The following CLDN12 variants were observed in gnomAD, a reference collection of about 807,000 sequenced individuals.
CLDN12 encodes the protein claudin-12.
CLDN12 carries 9 observed loss-of-function variants against 15.5 expected under a neutral mutation model. That is an observed-to-expected ratio of 0.58 (90% CI 0.35 to 1.02). The LOEUF (loss-of-function observed/expected upper bound fraction) is 1.02, where lower values mean the gene tolerates loss of function less well. CLDN12 is among the 50% of genes least tolerant of loss of function. The pLI is 0.02. For synonymous variants in CLDN12, 140 were observed against 121.6 expected, an observed-to-expected ratio of 1.15 and a Z score of -1.00; for missense variants, 233 against 297.3, an observed-to-expected ratio of 0.78 and a Z score of 1.59.
At chr7:90,405,012 C>T (rs888916074) in intron 1 of CLDN12, among the ~76,000 whole-genome samples, 13 of 151,944 alleles carry the variant, frequency 8.6e-5, no homozygotes, top group African/African-American at 2.7e-4. Flanking sequence ...TCCATGTCAG[C>T]CTCCCAAGAA....
rs762986952 is a variant in CLDN12 at position 90,413,125 on chromosome 7, C to A, written c.449C>A (p.Pro150Gln). 1.2e-6 allele frequency: 2 copies of A among 1,614,212 alleles called. No homozygotes were observed. The highest frequency in any genetic ancestry group is 3.3e-5 in the Admixed American group (2 of 60,026). Reference protein sequence around the residue: ...FFLAGTVSLSPSIWVIFYNIH... With the variant: ...FFLAGTVSLSQSIWVIFYNIH... The stretch of plus-strand genomic sequence containing the variant: ...CTGGCAGGTACTGTGAGCCTCTCCC[C>A]ATCTATCTGGGTCATCTTTTATAAC... Residue 150 changes from proline (P) to glutamine (Q), a missense_variant, in exon 4 of 4, where the codon CCA becomes CAA. Pro to Gln is a moderately conservative substitution (Grantham distance 76). Transcript: ENST00000496677.
intron 1 of CLDN12, among the ~76,000 whole-genome samples, chr7:90,404,145 G>A (rs547607146): frequency 6.6e-6 from 1 of 152,130 alleles, no homozygotes; most frequent in South Asian, 2.1e-4. Flanking sequence ...GTTAGGGAAA[G>A]GTCAGACTTG....
chr7:90,412,894 C>G lies in CLDN12; in HGVS notation c.218C>G (p.Thr73Ser), dbSNP rs1445448312. 1 of 1,614,218 alleles carries G rather than the reference C, an allele frequency of 6.2e-7. No homozygotes were observed. Residue 73 changes from threonine (T) to serine (S), a missense_variant, in exon 4 of 4, where the codon ACT (threonine) becomes AGT (serine). Transcript: ENST00000496677. ...GSSDCLMYDT[T>S]WYSSVDQLDL... Reference sequence around the variant, plus strand: ...AGTGACTGCCTGATGTACGACACTACTTGGTACTCATCAGTTGACCAGCTG... The same window carrying G: ...AGTGACTGCCTGATGTACGACACTAGTTGGTACTCATCAGTTGACCAGCTG...
In CLDN12 at chr7:90,413,581, T is replaced by G; in HGVS notation, c.*170T>G. The G allele has an allele frequency of 7.2e-7, 1 of 1,392,758 alleles. No homozygotes were observed. The highest frequency in any genetic ancestry group is 1.9e-5 in the South Asian group (1 of 52,502). The allele number at this position is 1,392,758 out of a possible 1,614,324, so 86.3% of individuals were successfully genotyped here. On this transcript the variant is annotated 3_prime_UTR_variant, in exon 4 of 4. Coordinates refer to ENST00000496677, the MANE Select transcript of CLDN12 (RefSeq NM_001185072.3). ...CTGCTAGTTTTTATGAGAAGTATATTATATTAAATGTGAATTTTTTAAATT... is the reference window on the plus strand; with the variant it reads ...CTGCTAGTTTTTATGAGAAGTATATGATATTAAATGTGAATTTTTTAAATT...
rs535700024 is a variant in CLDN12 at position 90,412,045 on chromosome 7, C to T, written c.-38C>T. ...GGCACAGGGAAGTTCTGAATCTGGC[C>T]CAAGGTCAGTGAGCTAGTAAGTGAG... On this transcript the variant is annotated 5_prime_UTR_variant, in exon 3 of 4. Transcript: ENST00000496677. The T allele has an allele frequency of 6.6e-6, 1 of 152,326 alleles. No homozygotes were observed. The highest frequency in any genetic ancestry group is 2.1e-4 in the South Asian group (1 of 4,820). 9.4% of individuals were successfully genotyped at this position (152,326 alleles called of 1,614,324 possible). A position where few individuals can be genotyped will look rare whatever the true frequency, so the allele number is the denominator to read the frequency against.
rs1457015165 is a variant in CLDN12 at position 90,412,046 on chromosome 7, C to T, written c.-37C>T. 6.6e-6 allele frequency: 1 copy of T among 152,286 alleles called. No individual in the cohort carries two copies. The highest frequency in any genetic ancestry group is 1.9e-4 in the East Asian group (1 of 5,196). The allele number at this position is 152,286 out of a possible 1,614,324, so 9.4% of individuals were successfully genotyped here. A position where few individuals can be genotyped will look rare whatever the true frequency, so the allele number is the denominator to read the frequency against. On this transcript the variant is annotated 5_prime_UTR_variant, in exon 3 of 4. It introduces an in-frame stop codon into an upstream open reading frame of the 5' UTR. Transcript: ENST00000496677. The stretch of plus-strand genomic sequence containing the variant: ...GCACAGGGAAGTTCTGAATCTGGCC[C>T]AAGGTCAGTGAGCTAGTAAGTGAGG...
chr7:90,409,823 A>G (rs1340829332), intron 2 of CLDN12, among the ~76,000 whole-genome samples: 13 of 152,146 alleles, frequency 8.5e-5, no homozygotes, highest in Admixed American at 8.5e-4. Flanking sequence ...TTCTTTCCAC[A>G]AGTCTCTATA....
chr7:90,408,046 G>A (rs1011586819), intron 2 of CLDN12, among the ~76,000 whole-genome samples: 10 of 152,120 alleles, frequency 6.6e-5, no homozygotes, highest in South Asian at 2.1e-4. Flanking sequence ...ATGGAATGGC[G>A]GATGAGGTTT....
chr7:90,413,218 G>C lies in CLDN12; in HGVS notation c.542G>C (p.Ser181Thr), dbSNP rs779267034. Residue 181 changes from serine to threonine, a missense_variant, in exon 4 of 4, where the codon AGT (serine) becomes ACT (threonine). Ser to Thr is a moderately conservative substitution (Grantham distance 58). Coordinates refer to ENST00000496677, the MANE Select transcript of CLDN12 (RefSeq NM_001185072.3). ...FDYAVYVTIA[S>T]AGGLFMTSLI... ...TATGCAGTGTATGTCACTATTGCTA[G>C]TGCTGGGGGCCTGTTTATGACTTCC... The C allele has an allele frequency of 6.2e-7, 1 of 1,614,170 alleles. No homozygotes were observed. Among genetic ancestry groups the C allele is most frequent in the Non-Finnish European group, 8.5e-7 (1 of 1,180,020 alleles).
At chr7:90,404,903 T>A (rs1184345431) in intron 1 of CLDN12, among the ~76,000 whole-genome samples, 1 of 151,536 alleles carries the variant, frequency 6.6e-6, no homozygotes, top group Non-Finnish European at 1.5e-5. Flanking sequence ...TTTTTTTTTT[T>A]ATTATTTGAG....
chr7:90,405,672 ACT>A (rs1342233678), intron 2 of CLDN12, 64 bp downstream of exon 2: 9 of 151,380 alleles, frequency 5.9e-5, no homozygotes, highest in Non-Finnish European at 1.2e-4. Flanking sequence ...GCCAACAATG[ACT>A]CTTTTTTTTT....
chr7:90,410,709 G>A lies in CLDN12; in HGVS notation c.-76-1298G>A, dbSNP rs1198701013. On this transcript the variant is annotated intron_variant, in intron 2 of 3. Coordinates refer to ENST00000496677, the MANE Select transcript of CLDN12 (RefSeq NM_001185072.3). ...AGAAGAAAGGGAATAAGAATTGTGGGGGTGGAAGGAGGAGGGCTGGTTCAC... is the reference window on the plus strand; with the variant it reads ...AGAAGAAAGGGAATAAGAATTGTGGAGGTGGAAGGAGGAGGGCTGGTTCAC... 2.6e-5 allele frequency among the ~76,000 whole-genome samples: 4 copies of A among 151,982 alleles called. No homozygotes were observed. The East Asian group carries it at 7.7e-4, about 29-fold the overall frequency.
At position 90,413,688 on chromosome 7, in the gene CLDN12, T is replaced by G. The variant is rs547780944; in HGVS notation, c.*277T>G. 1.7e-6 allele frequency: 2 copies of G among 1,181,016 alleles called. No individual in the cohort carries two copies. Among genetic ancestry groups the G allele is most frequent in the Admixed American group, 8.5e-5 (2 of 23,402 alleles). The allele number at this position is 1,181,016 out of a possible 1,614,324, so 73.2% of individuals were successfully genotyped here. On this transcript the variant is annotated 3_prime_UTR_variant, in exon 4 of 4. Coordinates refer to ENST00000496677, the MANE Select transcript of CLDN12 (RefSeq NM_001185072.3). ...TAAGTGGAAGAGGCCTGCATCACAA[T>G]TGAGGTAATGTAGAGCAACATGTTA...
Position 90,414,129 on chromosome 7 carries a change from C to G in CLDN12, c.*718C>G, listed in dbSNP as rs950806358. On this transcript the variant is annotated 3_prime_UTR_variant, in exon 4 of 4. Transcript: ENST00000496677. Reference sequence around the variant, plus strand: ...TGTGCTTTATGACAGGTTAGTGTTTCCTCTGAGGCAGAAAACTCTTTTTTG... The same window carrying G: ...TGTGCTTTATGACAGGTTAGTGTTTGCTCTGAGGCAGAAAACTCTTTTTTG... 5.7e-5 allele frequency: 57 copies of G among 1,000,040 alleles called. No homozygotes were observed. The highest frequency in any genetic ancestry group is 6.9e-5 in the Non-Finnish European group (57 of 830,004). The allele number at this position is 1,000,040 out of a possible 1,614,324, so 61.9% of individuals were successfully genotyped here.
At chr7:90,412,526 A>T in intron 3 of CLDN12, 118 bp from the exon 4 acceptor site, 1 of 798,888 alleles carries the variant, frequency 1.3e-6, no homozygotes, top group Non-Finnish European at 2.0e-6. Flanking sequence ...CAAGGGAGAG[A>T]CTTTCCCTCT....
intron 2 of CLDN12, among the ~76,000 whole-genome samples, chr7:90,407,234 G>A (rs1796855206): frequency 6.6e-6 from 1 of 152,172 alleles, no homozygotes; most frequent in Admixed American, 6.5e-5. Context: ...GTTGAAGTTA[G>A]ACAGTGTTGC....
chr7:90,415,136 C>T lies in CLDN12; in HGVS notation c.*1725C>T, dbSNP rs932036114. The T allele has an allele frequency of 4.8e-5, 8 of 165,678 alleles. No individual in the cohort carries two copies. The highest frequency in any genetic ancestry group is 3.9e-4 in the Admixed American group (6 of 15,258). 10.3% of individuals were successfully genotyped at this position (165,678 alleles called of 1,614,324 possible). A position where few individuals can be genotyped will look rare whatever the true frequency, so the allele number is the denominator to read the frequency against. The stretch of plus-strand genomic sequence containing the variant: ...TTCCAACACTAGTTTATATATATAG[C>T]GAATAAATCTAGTTGTATAAATTTT... On this transcript the variant is annotated 3_prime_UTR_variant, in exon 4 of 4. Coordinates refer to ENST00000496677, the MANE Select transcript of CLDN12 (RefSeq NM_001185072.3).
At chr7:90,406,472 T>C (rs1796837916) in intron 2 of CLDN12, among the ~76,000 whole-genome samples, 1 of 152,216 alleles carries the variant, frequency 6.6e-6, no homozygotes, top group Admixed American at 6.5e-5. Context: ...CTTCTTGTTA[T>C]ATGACTATAA....
At chr7:90,404,862 C>A (rs941000749) in intron 1 of CLDN12, among the ~76,000 whole-genome samples, 1 of 151,314 alleles carries the variant, frequency 6.6e-6, no homozygotes, top group Non-Finnish European at 1.5e-5. Flanking sequence ...ATATATAATG[C>A]ATGAATTAAG....
Sources: allele counts gnomAD v4.1 joint callset (sites outside exome capture counted in the v4.1 genomes callset), GRCh38; gene constraint gnomAD v4.1.1; transcripts MANE v1.5; gene names NCBI Gene and HGNC (gene_info 2026-07-23, HGNC 2026-07-21).